The following PDK1 variants were observed in gnomAD, a reference collection of about 807,000 sequenced individuals.
PDK1 encodes pyruvate dehydrogenase kinase 1, also known as [Pyruvate dehydrogenase (acetyl-transferring)] kinase isozyme 1, mitochondrial.
A neutral mutation model predicts 54.2 loss-of-function variants in PDK1; 39 were observed. The ratio of observed to expected loss-of-function variants is 0.72; its 90% CI spans 0.56 to 0.94. PDK1 has a LOEUF of 0.94. Ranked by LOEUF, PDK1 falls within the 40% of genes least tolerant of loss-of-function variation. PDK1 has a pLI of 0.00. For synonymous variants in PDK1, 221 were observed against 207.1 expected (o/e 1.07, Z -0.58); for missense variants, 552 against 566.0 (o/e 0.98, Z 0.25).
chr2:172,576,076 C>T (rs1416151638), intron 8 of PDK1, among the ~76,000 whole-genome samples: 3 of 151,870 alleles, frequency 2.0e-5, no homozygotes, highest in Non-Finnish European at 2.9e-5. Flanking sequence ...TGCAGGCACC[C>T]GCCACCATGC....
chr2:172,615,615 C>G, the PDK1 span, among the ~76,000 whole-genome samples: 14 of 151,656 alleles, frequency 9.2e-5, no homozygotes, highest in Non-Finnish European at 1.6e-4. Flanking sequence ...AAGAGCGAAA[C>G]TCTGTCTCAA....
At chr2:172,570,522 G>C (rs1689187138) in intron 7 of PDK1, 1 of 401,696 alleles carries the variant, frequency 2.5e-6, no homozygotes, top group Non-Finnish European at 4.4e-6. Context: ...AAATTTAGTT[G>C]GAGTCTTTAG....
chr2:172,616,485 C>T, the PDK1 span, among the ~76,000 whole-genome samples: 4 of 152,160 alleles, frequency 2.6e-5, no homozygotes, highest in South Asian at 4.1e-4. Flanking sequence ...AAAACCAACA[C>T]GAACAAAACA....
At chr2:172,564,772 G>A in intron 4 of PDK1, 85 bp downstream of exon 4, 2 of 687,078 alleles carry the variant, frequency 2.9e-6, no homozygotes, top group Non-Finnish European at 4.4e-6. Context: ...TTCCATTTAG[G>A]TAGGAAATTT....
the PDK1 span, among the ~76,000 whole-genome samples, chr2:172,702,369 C>T: frequency 1.3e-5 from 2 of 151,840 alleles, no homozygotes; most frequent in African/African-American, 4.8e-5. Flanking sequence ...CCCAGCTACT[C>T]GGGAGGCTGG....
chr2:172,647,195 T>G, the PDK1 span, among the ~76,000 whole-genome samples: 2 of 152,194 alleles, frequency 1.3e-5, no homozygotes, highest in African/African-American at 4.8e-5. Context: ...AATGAGTTTT[T>G]TGTGTGTTTA....
intron 8 of PDK1, among the ~76,000 whole-genome samples, chr2:172,581,382 C>T (rs1402819429): frequency 1.3e-5 from 2 of 152,160 alleles, no homozygotes; most frequent in Non-Finnish European, 2.9e-5. Flanking sequence ...TGAGCCACTG[C>T]GTCCAGCCTG....
the PDK1 span, among the ~76,000 whole-genome samples, chr2:172,664,443 A>G: frequency 1.9e-4 from 28 of 149,402 alleles, no homozygotes; most frequent in East Asian, 5.4e-3. Flanking sequence ...AGTTTCATTC[A>G]TTCATTTTTT....
the PDK1 span, among the ~76,000 whole-genome samples, chr2:172,641,010 C>CTCT: frequency 4.4e-5 from 1 of 22,672 alleles, no homozygotes; most frequent in African/African-American, 5.6e-5. Context: ...TCTTTTCTTT[C>CTCT]TTTCTTTCTT....
intron 9 of PDK1, among the ~76,000 whole-genome samples, chr2:172,590,809 A>C: frequency 6.7e-6 from 1 of 149,576 alleles, no homozygotes; most frequent in African/African-American, 2.5e-5. Context: ...GTGTTTACAA[A>C]CCTTTAGCTA....
the PDK1 span, among the ~76,000 whole-genome samples, chr2:172,701,637 T>G: frequency 8.5e-6 from 1 of 116,998 alleles, no homozygotes; most frequent in Non-Finnish European, 1.6e-5. Context: ...TCCTGTTTTT[T>G]TTTTTGTTTT....
intron 9 of PDK1, 36 bp downstream of exon 9, chr2:172,586,424 G>T: frequency 7.7e-7 from 1 of 1,302,034 alleles, no homozygotes; most frequent in South Asian, 1.2e-5. Context: ...GTGTTTCTGT[G>T]AATTGCCTTC....
the PDK1 span, among the ~76,000 whole-genome samples, chr2:172,664,311 C>CAAAAAAAAAAA: frequency 4.1e-3 from 179 of 44,182 alleles, 60 homozygotes; most frequent in East Asian, 0.082. Flanking sequence ...AACTCTGCCT[C>CAAAAAAAAAAA]AAAAAAAAAA....
the PDK1 span, among the ~76,000 whole-genome samples, chr2:172,625,286 G>A: frequency 6.6e-5 from 10 of 152,092 alleles, no homozygotes; most frequent in African/African-American, 2.2e-4. Context: ...CACTCTCCCC[G>A]TCCCCACTCT....
chr2:172,622,498 ATATAT>A, the PDK1 span, among the ~76,000 whole-genome samples: 2 of 107,502 alleles, frequency 1.9e-5, no homozygotes, highest in Non-Finnish European at 4.9e-5. Flanking sequence ...TTTATATCTC[ATATAT>A]TATGTGAGAT....
the PDK1 span, among the ~76,000 whole-genome samples, chr2:172,621,892 ATG>A: frequency 0.034 from 4,304 of 125,318 alleles, 181 homozygotes; most frequent in Non-Finnish European, 0.048. Flanking sequence ...TATATCTCAT[ATG>A]TATGATATAT....
At chr2:172,653,639 A>G in the PDK1 span, among the ~76,000 whole-genome samples, 1 of 152,146 alleles carries the variant, frequency 6.6e-6, no homozygotes, top group Admixed American at 6.5e-5. Flanking sequence ...TGGATTAAAG[A>G]CTTAAATGTT....
the PDK1 span, among the ~76,000 whole-genome samples, chr2:172,640,489 GA>G: frequency 6.6e-6 from 1 of 152,118 alleles, no homozygotes; most frequent in African/African-American, 2.4e-5. Context: ...AAGACTGAGA[GA>G]AAAAAATATA....
the PDK1 span, chr2:172,723,275 TC>T: frequency 6.6e-6 from 1 of 152,186 alleles, no homozygotes; most frequent in Non-Finnish European, 1.5e-5. Flanking sequence ...ATTATACTAT[TC>T]TTTTGATGAC....
Sources: gnomAD v4.1 joint callset for allele counts (sites outside exome capture counted in the v4.1 genomes callset) on GRCh38, gnomAD v4.1.1 for gene constraint, MANE v1.5 for transcripts, NCBI Gene and HGNC (gene_info 2026-07-23, HGNC 2026-07-21) for gene names.